Variants in EDAR observed in about 807,000 individuals in gnomAD.
EDAR encodes tumor necrosis factor receptor superfamily member EDAR.
In EDAR, 38 loss-of-function variants were observed where a neutral mutation model predicts 51.3. That is an observed-to-expected ratio of 0.74 (90% CI 0.57 to 0.97). The LOEUF is 0.97. Ranked by LOEUF, EDAR falls within the 50% of genes least tolerant of loss-of-function variation. The pLI is 0.00. For missense variants in EDAR, 528 were observed against 595.0 expected (o/e 0.89, Z 1.17); for synonymous variants, 227 against 242.1 (o/e 0.94, Z 0.58).
Position 108,930,220 on chromosome 2 carries a change from C to G in EDAR, c.74G>C (p.Arg25Pro), listed in dbSNP as rs772240997. ...VLVVSLMCSA[R>P]AEYSNCGENE... is the part of the protein sequence containing the mutation. ...CTCACCGCAGTTTGAGTATTCCGCTCGGGCTGAGCACATCAGAGACACCTG... is the reference window on the plus strand; with the variant it reads ...CTCACCGCAGTTTGAGTATTCCGCTGGGGCTGAGCACATCAGAGACACCTG... The change falls in exon 3 of 12, where the codon CGA (arginine) becomes CCA (proline). Residue 25 changes from arginine to proline, a missense_variant. Physicochemically the swap from Arg to Pro is moderately radical, Grantham distance 103. Transcript: ENST00000258443. 2 of 1,613,962 alleles carry G rather than the reference C, an allele frequency of 1.2e-6. No homozygotes were observed. Among genetic ancestry groups the G allele is most frequent in the Non-Finnish European group, 1.7e-6 (2 of 1,180,044 alleles).
chr2:108,970,076 C>T (rs1030629617), intron 1 of EDAR, among the ~76,000 whole-genome samples: 9 of 152,302 alleles, frequency 5.9e-5, no homozygotes, highest in Non-Finnish European at 1.2e-4. Context: ...AAGACACTTT[C>T]CCCTGTGGAA....
At chr2:108,946,298 G>A (rs1386684389) in intron 1 of EDAR, among the ~76,000 whole-genome samples, 2 of 152,194 alleles carry the variant, frequency 1.3e-5, no homozygotes, top group East Asian at 1.9e-4. Context: ...TGACAGTGAC[G>A]GGAGTAGCAC....
chr2:108,980,103 G>C (rs1184594936), intron 1 of EDAR, among the ~76,000 whole-genome samples: 1 of 150,404 alleles, frequency 6.6e-6, no homozygotes, highest in African/African-American at 2.5e-5. Flanking sequence ...TGTGGGGTGG[G>C]GTGGGGTGGG....
In EDAR at chr2:108,929,349, A is replaced by C. The variant is rs1426973993; in HGVS notation, c.205T>G (p.Tyr69Asp). The stretch of plus-strand genomic sequence containing the variant: ...TCCGCCGGGCAGGGGACGCAGCCGT[A>C]GTCCTCGTCTTTGGTGCCGTAGCCA... ...SCGYGTKDED[Y>D]GCVPCPAEKF... Residue 69 changes from tyrosine (Y) to aspartate (D), a missense_variant, in exon 4 of 12, where the codon TAC becomes GAC. Transcript: ENST00000258443. 1 of 1,614,042 alleles carries C rather than the reference A, an allele frequency of 6.2e-7. No individual in the cohort carries two copies. The highest frequency in any genetic ancestry group is 1.3e-5 in the African/African-American group (1 of 74,930).
At chr2:108,911,237 G>A (rs182276774) in intron 6 of EDAR, among the ~76,000 whole-genome samples, 165 bp from the exon 7 acceptor site, 13 of 152,166 alleles carry the variant, frequency 8.5e-5, no homozygotes, top group Admixed American at 8.5e-4. Context: ...CCTCCGCGCT[G>A]GTTTTGGCTG....
chr2:108,908,970 C>T (rs2105396537), intron 9 of EDAR, among the ~76,000 whole-genome samples: 1 of 152,130 alleles, frequency 6.6e-6, no homozygotes, highest in African/African-American at 2.4e-5. Context: ...CATCCCTGTC[C>T]CCACTCGAGA....
chr2:108,985,423 G>A (rs897817751), intron 1 of EDAR, among the ~76,000 whole-genome samples: 1 of 152,252 alleles, frequency 6.6e-6, no homozygotes, highest in African/African-American at 2.4e-5. Context: ...CTCGCAGGGT[G>A]GTGCAGGCAG....
Position 108,908,029 on chromosome 2 carries a change from C to T in EDAR, c.804-10G>A, listed in dbSNP as rs1407470485. ...TGAGGCATCGTTCTCGCTGCAAAAACAAGAGCGATGGTCATTAGCAGTGCC... is the reference window on the plus strand; with the variant it reads ...TGAGGCATCGTTCTCGCTGCAAAAATAAGAGCGATGGTCATTAGCAGTGCC... On this transcript the variant is annotated splice_polypyrimidine_tract_variant and intron_variant, in intron 9 of 11. Coordinates refer to ENST00000258443, the MANE Select transcript of EDAR (RefSeq NM_022336.4). The T allele has an allele frequency of 1.2e-6, 2 of 1,605,650 alleles. No homozygotes were observed. The highest frequency in any genetic ancestry group is 1.3e-5 in the African/African-American group (1 of 74,776).
intron 1 of EDAR, among the ~76,000 whole-genome samples, chr2:108,976,865 C>T (rs765956509): frequency 2.0e-5 from 3 of 152,100 alleles, no homozygotes; most frequent in Non-Finnish European, 4.4e-5. Flanking sequence ...GTGCTCCAGG[C>T]TCCTCTTGTA....
intron 1 of EDAR, among the ~76,000 whole-genome samples, chr2:108,982,030 C>T (rs115064799): frequency 0.019 from 2,927 of 152,348 alleles, 44 homozygotes; most frequent in South Asian, 0.051. Flanking sequence ...ACAGTCAGTG[C>T]AACGGCAGGG....
chr2:108,972,325 A>C (rs189799615), intron 1 of EDAR, among the ~76,000 whole-genome samples: 2 of 152,344 alleles, frequency 1.3e-5, no homozygotes, highest in African/African-American at 4.8e-5. Flanking sequence ...CAAGCTTAGG[A>C]TTGAACACAG....
intron 1 of EDAR, among the ~76,000 whole-genome samples, chr2:108,957,318 A>G (rs1016621135): frequency 1.3e-5 from 2 of 152,344 alleles, no homozygotes; most frequent in East Asian, 1.9e-4. Context: ...ATGGGCAGAG[A>G]TGACCCTGTT....
chr2:108,939,949 G>T (rs1282545223), intron 1 of EDAR, among the ~76,000 whole-genome samples: 1 of 152,212 alleles, frequency 6.6e-6, no homozygotes, highest in Non-Finnish European at 1.5e-5. Flanking sequence ...CTGCATGAAC[G>T]TGTCTCAGTG....
intron 11 of EDAR, among the ~76,000 whole-genome samples, chr2:108,898,948 A>G (rs1696652168): frequency 1.3e-5 from 2 of 152,202 alleles, no homozygotes; most frequent in Admixed American, 1.3e-4. Flanking sequence ...CAGAAGAGCT[A>G]ACATTTGTGT....
intron 1 of EDAR, among the ~76,000 whole-genome samples, chr2:108,962,248 AC>A (rs1443193237): frequency 6.6e-6 from 1 of 152,196 alleles, no homozygotes; most frequent in Non-Finnish European, 1.5e-5. Flanking sequence ...ACACATGTGA[AC>A]CAACGTTCAT....
At chr2:108,929,510 G>T in intron 3 of EDAR, 131 bp from the exon 4 acceptor site, 1 of 991,906 alleles carries the variant, frequency 1.0e-6, no homozygotes, top group Non-Finnish European at 1.6e-6. Context: ...TTGGTTTCCT[G>T]AGTTGTCCTA....
At chr2:108,957,378 G>C (rs1025884562) in intron 1 of EDAR, among the ~76,000 whole-genome samples, 3 of 152,230 alleles carry the variant, frequency 2.0e-5, no homozygotes, top group Non-Finnish European at 2.9e-5. Context: ...TTAGGAAGTC[G>C]GGGGCAGGTA....
chr2:108,942,644 C>T (rs1045891634), intron 1 of EDAR, among the ~76,000 whole-genome samples: 14 of 152,168 alleles, frequency 9.2e-5, no homozygotes, highest in African/African-American at 2.7e-4. Flanking sequence ...CTGCTTTCCA[C>T]GCCAGAGGCC....
intron 1 of EDAR, among the ~76,000 whole-genome samples, chr2:108,944,950 T>TCAAA (rs1697687887): frequency 6.6e-6 from 1 of 152,170 alleles, no homozygotes; most frequent in African/African-American, 2.4e-5. Context: ...TGTCCCTGCT[T>TCAAA]GGATGTTTCC....
Sources: allele counts gnomAD v4.1 joint callset (sites outside exome capture counted in the v4.1 genomes callset), GRCh38; gene constraint gnomAD v4.1.1; transcripts MANE v1.5; gene names NCBI Gene and HGNC (gene_info 2026-07-23, HGNC 2026-07-21).